SAMM50: variants seen among roughly 807,000 people sequenced by gnomAD.
SAMM50 encodes the protein SAMM50 sorting and assembly machinery component, also known as sorting and assembly machinery component 50 homolog.
In SAMM50, 47 loss-of-function variants were observed where a neutral mutation model predicts 66.9. That is an observed-to-expected ratio of 0.70 (90% CI 0.56 to 0.90). The LOEUF (loss-of-function observed/expected upper bound fraction) is 0.90, where lower values mean the gene tolerates loss of function less well. Among genes scored for constraint, SAMM50 ranks in the 40% least tolerant of loss-of-function variants. SAMM50 has a pLI of 0.00. For synonymous variants in SAMM50, 191 were observed against 214.1 expected (o/e 0.89, Z 0.94); for missense variants, 535 against 595.3 (o/e 0.90, Z 1.05).
rs1297594785 is a variant in SAMM50 at position 43,964,518 on chromosome 22, A to G, written c.199A>G (p.Ile67Val). 6.2e-7 allele frequency: 1 copy of G among 1,611,610 alleles called. No individual in the cohort carries two copies. The highest frequency in any genetic ancestry group is 1.3e-5 in the African/African-American group (1 of 74,846). ...TAAAGATGATATCATCATTTGTGAA[A>G]TTGGAGATGTTTTCAAGGCCAAAAA... ...RTKDDIIICE[I>V]GDVFKAKNLI... is the part of the protein sequence containing the mutation. Residue 67 changes from isoleucine to valine, a missense_variant, in exon 3 of 15, where the codon ATT becomes GTT. By Grantham distance (29) the Ile-to-Val change is conservative. Coordinates refer to ENST00000350028, the MANE Select transcript of SAMM50 (RefSeq NM_015380.5).
intron 8 of SAMM50, among the ~76,000 whole-genome samples, chr22:43,976,467 G>A (rs563360917): frequency 1.1e-4 from 16 of 152,348 alleles, no homozygotes; most frequent in Non-Finnish European, 1.6e-4. Context: ...AGGCCAGGGC[G>A]TCGAGCTCCT....
intron 3 of SAMM50, among the ~76,000 whole-genome samples, chr22:43,964,903 C>T (rs2050165390): frequency 6.6e-6 from 1 of 152,172 alleles, no homozygotes; most frequent in African/African-American, 2.4e-5. Context: ...TGTACTCTCC[C>T]TTGCCAACCC....
intron 7 of SAMM50, among the ~76,000 whole-genome samples, chr22:43,974,426 T>G (rs1211943181): frequency 6.6e-6 from 1 of 152,308 alleles, no homozygotes; most frequent in East Asian, 1.9e-4. Context: ...AGAGGCGTGG[T>G]AAAGCTCCTG....
rs768194878 is a variant in SAMM50, at chr22:43,989,272, A to G, written c.1222+15A>G. 1.2e-6 allele frequency: 2 copies of G among 1,613,354 alleles called. No homozygotes were observed. The highest frequency in any genetic ancestry group is 1.1e-5 in the South Asian group (1 of 91,064). ...CCTCAACTATGGTAAAACTTGCGCT[A>G]TTCAAGAAACCATTGTAGTACAGTT... is the stretch of plus-strand genomic sequence containing the variant. On this transcript the variant is annotated intron_variant, in intron 13 of 14. Transcript: ENST00000350028.
intron 4 of SAMM50, 66 bp from the exon 5 acceptor site, chr22:43,972,170 T>C: frequency 1.1e-6 from 1 of 941,524 alleles, no homozygotes; most frequent in Non-Finnish European, 1.6e-6. Flanking sequence ...TTGTCTTTTT[T>C]AGCAATGGGA....
Position 43,968,678 on chromosome 22 carries a change from G to C in SAMM50, c.235-53G>C. The C allele has an allele frequency of 3.1e-6, 4 of 1,300,232 alleles. No individual in the cohort carries two copies. The South Asian group carries it at 4.7e-5, about 15-fold the overall frequency. The allele number at this position is 1,300,232 out of a possible 1,614,324, so 80.5% of individuals were successfully genotyped here. A position where few individuals can be genotyped will look rare whatever the true frequency, so the allele number is the denominator to read the frequency against. ...CCTCGCCGTGTGGCTGCCATTTGCT[G>C]TTTCTGTATCGTAGAAGAATATATT... On this transcript the variant is annotated intron_variant, in intron 3 of 14. Transcript: ENST00000350028.
chr22:43,963,719 G>C (rs1352929356), intron 2 of SAMM50, among the ~76,000 whole-genome samples: 5 of 152,098 alleles, frequency 3.3e-5, no homozygotes, highest in African/African-American at 1.2e-4. Context: ...AAAAAAGACT[G>C]TGGGTCTCAA....
At chr22:43,978,535 G>A (rs950692964) in intron 10 of SAMM50, among the ~76,000 whole-genome samples, 1 of 152,058 alleles carries the variant, frequency 6.6e-6, no homozygotes, top group Non-Finnish European at 1.5e-5. Context: ...AGGAGGGGTG[G>A]CTGGAGGACA....
Position 43,989,091 on chromosome 22 carries a change from T to C in SAMM50, c.1076-20T>C. ...ACCTTGTCGGACCTTGTTTTTGTTC[T>C]GCACCCCTCCTTTGCTTAGGAGACT... On this transcript the variant is annotated intron_variant, in intron 12 of 14. Transcript: ENST00000350028. 1 of 1,603,522 alleles carries C rather than the reference T, an allele frequency of 6.2e-7. No homozygotes were observed. Among genetic ancestry groups the C allele is most frequent in the South Asian group, 1.1e-5 (1 of 89,118 alleles).
At chr22:43,986,039 CTTTCT>C (rs1424259815) in intron 12 of SAMM50, among the ~76,000 whole-genome samples, 2 of 110,472 alleles carry the variant, frequency 1.8e-5, no homozygotes, top group African/African-American at 9.0e-5. Flanking sequence ...TTTTTTCTTT[CTTTCT>C]TTTTTTTTTT....
intron 3 of SAMM50, among the ~76,000 whole-genome samples, chr22:43,967,397 G>A (rs2050178947): frequency 6.6e-6 from 1 of 152,200 alleles, no homozygotes; most frequent in Non-Finnish European, 1.5e-5. Flanking sequence ...CTCTAATGGT[G>A]TTCAGCGCTA....
At chr22:43,989,000 T>C (rs913383375) in intron 12 of SAMM50, 111 bp from the exon 13 acceptor site, 5 of 1,019,384 alleles carry the variant, frequency 4.9e-6, no homozygotes, top group African/African-American at 4.8e-5. Context: ...ACTCCAGCAC[T>C]GTGTGGCGTT....
At chr22:43,965,346 C>T (rs1603418776) in intron 3 of SAMM50, among the ~76,000 whole-genome samples, 1 of 151,954 alleles carries the variant, frequency 6.6e-6, no homozygotes, top group Non-Finnish European at 1.5e-5. Context: ...GCTGGGATTA[C>T]AGATGTGCAC....
intron 3 of SAMM50, among the ~76,000 whole-genome samples, chr22:43,966,200 C>A (rs897625828): frequency 6.6e-6 from 1 of 152,176 alleles, no homozygotes; most frequent in Admixed American, 6.5e-5. Flanking sequence ...TTCACTCTTA[C>A]AAACAATGCT....
intron 12 of SAMM50, chr22:43,986,289 C>T (rs1197993915): frequency 6.6e-6 from 1 of 152,004 alleles, no homozygotes; most frequent in African/African-American, 2.4e-5. Context: ...ATTTGCCCGC[C>T]TTGGCCTCCC....
At position 43,996,446 on chromosome 22, in the gene SAMM50, C is replaced by CTTCTA; in HGVS notation, c.*63_*64insTTCTA. ...GCAGCAAGGCGCCCATGCCACACACCGTCTCTCGAGGAAACGCGGTTCAGC... is the reference window on the plus strand; with the variant it reads ...GCAGCAAGGCGCCCATGCCACACACCTTCTAGTCTCTCGAGGAAACGCGGTTCAGC... On this transcript the variant is annotated 3_prime_UTR_variant, in exon 15 of 15. Coordinates refer to ENST00000350028, the MANE Select transcript of SAMM50 (RefSeq NM_015380.5). 1 of 1,491,006 alleles carries CTTCTA rather than the reference C, an allele frequency of 6.7e-7. No homozygotes were observed. The highest frequency in any genetic ancestry group is 9.4e-7 in the Non-Finnish European group (1 of 1,067,830). The allele number at this position is 1,491,006 out of a possible 1,614,324, so 92.4% of individuals were successfully genotyped here.
intron 1 of SAMM50, among the ~76,000 whole-genome samples, chr22:43,962,081 T>C (rs189024839): frequency 6.6e-6 from 1 of 152,266 alleles, no homozygotes; most frequent in East Asian, 1.9e-4. Flanking sequence ...TAAGTTGAAA[T>C]GTAAGTTGAA....
chr22:43,958,053 T>G (rs2050128971), intron 1 of SAMM50, among the ~76,000 whole-genome samples: 1 of 152,206 alleles, frequency 6.6e-6, no homozygotes, highest in Non-Finnish European at 1.5e-5. Flanking sequence ...ACGCCTGGCC[T>G]TTGTCCAGAA....
At chr22:43,973,383 T>A in intron 7 of SAMM50, 60 bp downstream of exon 7, 4 of 1,032,002 alleles carry the variant, frequency 3.9e-6, no homozygotes, top group Non-Finnish European at 6.1e-6. Context: ...GCTTTTTCAC[T>A]GATTCCCAAA....
Sources: allele counts gnomAD v4.1 joint callset (sites outside exome capture counted in the v4.1 genomes callset), GRCh38; gene constraint gnomAD v4.1.1; transcripts MANE v1.5; gene names NCBI Gene and HGNC (gene_info 2026-07-23, HGNC 2026-07-21).